FAM135B: variants seen among roughly 807,000 people sequenced by gnomAD.
FAM135B encodes the protein family with sequence similarity 135 member B, also known as protein FAM135B.
Under a neutral mutation model 127.7 loss-of-function variants are expected in FAM135B, and 43 were observed. That is an observed-to-expected ratio of 0.34 (90% CI 0.26 to 0.43). The LOEUF (loss-of-function observed/expected upper bound fraction) is 0.43, where lower values mean the gene tolerates loss of function less well. Ranked by LOEUF, FAM135B falls within the 20% of genes least tolerant of loss-of-function variation. The pLI is 1.00. For synonymous variants in FAM135B, 670 were observed against 665.1 expected (o/e 1.01, Z -0.11); for missense variants, 1,558 against 1,725.6 (o/e 0.90, Z 1.72).
chr8:138,194,891 T>A (rs1462780196), intron 9 of FAM135B, among the ~76,000 whole-genome samples: 13 of 152,332 alleles, frequency 8.5e-5, no homozygotes, highest in Non-Finnish European at 5.9e-5. Context: ...CTCCCTGCCA[T>A]GTCTGAGGCC....
intron 1 of FAM135B, among the ~76,000 whole-genome samples, chr8:138,389,691 T>C (rs943304414): frequency 6.6e-6 from 1 of 152,154 alleles, no homozygotes; most frequent in Non-Finnish European, 1.5e-5. Flanking sequence ...CTCATGCAAA[T>C]AAGATTTCCT....
At chr8:138,271,239 A>G (rs189019202) in intron 3 of FAM135B, among the ~76,000 whole-genome samples, 32 of 152,328 alleles carry the variant, frequency 2.1e-4, no homozygotes, top group African/African-American at 7.7e-4. Flanking sequence ...TTGGTGACAC[A>G]TCAATAAAGA....
chr8:138,155,263 C>A (rs1818610066), intron 12 of FAM135B, among the ~76,000 whole-genome samples: 1 of 152,132 alleles, frequency 6.6e-6, no homozygotes, highest in South Asian at 2.1e-4. Context: ...TTTGTCACCA[C>A]CAGGCCTGCC....
chr8:138,279,316 C>T (rs190064026), intron 3 of FAM135B, among the ~76,000 whole-genome samples: 35 of 152,262 alleles, frequency 2.3e-4, no homozygotes, highest in African/African-American at 7.0e-4. Context: ...TTCTCCAAGA[C>T]GGAAAAGTAC....
At chr8:138,449,412 G>A (rs1836370215) in intron 1 of FAM135B, among the ~76,000 whole-genome samples, 1 of 152,054 alleles carries the variant, frequency 6.6e-6, no homozygotes, top group African/African-American at 2.4e-5. Context: ...AGGGCTCTGA[G>A]AGAGGACGGA....
At chr8:138,320,553 T>C (rs1259513696) in intron 2 of FAM135B, among the ~76,000 whole-genome samples, 1 of 152,222 alleles carries the variant, frequency 6.6e-6, no homozygotes, top group Admixed American at 6.5e-5. Context: ...CAAAAGCACC[T>C]TGAGAACAAG....
At position 138,299,706 on chromosome 8, in the gene FAM135B, A is replaced by G. The variant is rs868672776; in HGVS notation, c.157+11135T>C. On this transcript the variant is annotated intron_variant, in intron 3 of 19. Coordinates refer to ENST00000395297, the MANE Select transcript of FAM135B (RefSeq NM_015912.4). ...TAGTCCATTGGTCTCATGAGTCTCT[A>G]TGAAAATGTCAGTGCATTTGCAGAG... Among the ~76,000 whole-genome samples the G allele has an allele frequency of 2.6e-5, 4 of 152,310 alleles. No homozygotes were observed. The South Asian group carries it at 6.2e-4, about 24-fold the overall frequency.
chr8:138,194,128 T>C (rs1816407948), intron 9 of FAM135B, among the ~76,000 whole-genome samples: 1 of 152,290 alleles, frequency 6.6e-6, no homozygotes, highest in Admixed American at 6.5e-5. Flanking sequence ...ACTCTCTAAA[T>C]GGACTCCTGT....
intron 7 of FAM135B, among the ~76,000 whole-genome samples, chr8:138,202,385 G>C (rs1353708785): frequency 6.6e-6 from 1 of 152,074 alleles, no homozygotes; most frequent in Non-Finnish European, 1.5e-5. Flanking sequence ...GAGTAGCTGG[G>C]ACTACAGGCA....
intron 2 of FAM135B, among the ~76,000 whole-genome samples, chr8:138,338,240 A>G (rs1587140738): frequency 6.6e-6 from 1 of 151,656 alleles, no homozygotes; most frequent in Non-Finnish European, 1.5e-5. Context: ...AATGGCAACA[A>G]AAGCCAAAAT....
At chr8:138,368,112 G>A (rs780051710) in intron 1 of FAM135B, 110 bp from the exon 2 acceptor site, 35 of 716,784 alleles carry the variant, frequency 4.9e-5, no homozygotes, top group African/African-American at 1.8e-4. Flanking sequence ...CAGGAGTAGC[G>A]TGTGTCCACT....
intron 11 of FAM135B, among the ~76,000 whole-genome samples, chr8:138,174,137 T>G (rs928161201): frequency 6.6e-6 from 1 of 152,126 alleles, no homozygotes; most frequent in Non-Finnish European, 1.5e-5. Context: ...TCCTATCCTA[T>G]CCTATTTCAT....
intron 2 of FAM135B, among the ~76,000 whole-genome samples, chr8:138,345,458 T>C (rs547138923): frequency 7.9e-5 from 12 of 152,308 alleles, no homozygotes; most frequent in Non-Finnish European, 1.5e-4. Context: ...TAACAGAGTC[T>C]ATGTAACTCC....
intron 1 of FAM135B, among the ~76,000 whole-genome samples, chr8:138,458,017 G>A (rs1168853494): frequency 6.6e-6 from 1 of 151,344 alleles, no homozygotes; most frequent in African/African-American, 2.4e-5. Flanking sequence ...TTAGCTGGAT[G>A]TGGCACACGC....
intron 3 of FAM135B, among the ~76,000 whole-genome samples, chr8:138,269,365 G>A (rs1468879692): frequency 2.6e-5 from 4 of 152,192 alleles, no homozygotes; most frequent in Non-Finnish European, 5.9e-5. Flanking sequence ...CCATCTACTT[G>A]TGGACTAAAC....
At chr8:138,301,497 T>A (rs546433270) in intron 3 of FAM135B, among the ~76,000 whole-genome samples, 1 of 152,172 alleles carries the variant, frequency 6.6e-6, no homozygotes, top group Non-Finnish European at 1.5e-5. Flanking sequence ...TTCTTTTTTT[T>A]CCTAACGGCA....
chr8:138,317,196 C>T (rs6577917), intron 2 of FAM135B, among the ~76,000 whole-genome samples: 151,690 of 152,314 alleles, frequency 1, 75,539 homozygotes, highest in East Asian at 1. Context: ...GAATGAACAA[C>T]TCATACACAG....
At chr8:138,438,869 C>T (rs1835607453) in intron 1 of FAM135B, 1 of 152,162 alleles carries the variant, frequency 6.6e-6, no homozygotes, top group Non-Finnish European at 1.5e-5. Flanking sequence ...CTTAGCATTT[C>T]CTGTCTTTCA....
Position 138,141,859 on chromosome 8 carries a change from T to C in FAM135B, c.3639-510A>G, listed in dbSNP as rs563776814. ...CCTCCTGCAGGCTCTGCTCCAGCCA[T>C]ACTGCTACTCACAGGCCCACGTGTT... On this transcript the variant is annotated intron_variant, in intron 16 of 19. Coordinates refer to ENST00000395297, the MANE Select transcript of FAM135B (RefSeq NM_015912.4). The surrounding 1 kb of genome is among the most constrained non-coding windows in gnomAD (Gnocchi z 4.7). Among the ~76,000 whole-genome samples, 2 of 152,298 alleles carry C rather than the reference T, an allele frequency of 1.3e-5. No individual in the cohort carries two copies. The highest frequency in any genetic ancestry group is 4.8e-5 in the African/African-American group (2 of 41,558).
Sources: allele counts gnomAD v4.1 joint callset (sites outside exome capture counted in the v4.1 genomes callset), GRCh38; gene constraint gnomAD v4.1.1; non-coding constraint Gnocchi (gnomAD v3.1); transcripts MANE v1.5; gene names NCBI Gene and HGNC (gene_info 2026-07-23, HGNC 2026-07-21).